MYO5B: variants seen among roughly 807,000 people sequenced by gnomAD.
MYO5B encodes the protein unconventional myosin-Vb.
MYO5B carries 143 observed loss-of-function variants against 229.3 expected under a neutral mutation model. The observed-to-expected ratio is 0.62, with a 90% CI of 0.54 to 0.72. The LOEUF (loss-of-function observed/expected upper bound fraction) is 0.72, where lower values mean the gene tolerates loss of function less well. MYO5B is among the 30% of genes least tolerant of loss of function. The pLI is 0.00. For missense variants in MYO5B, 2,321 were observed against 2,331.0 expected (o/e 1.00, Z 0.09); for synonymous variants, 918 against 885.2 (o/e 1.04, Z -0.66).
chr18:50,152,934 C>CT (rs1195316861), intron 1 of MYO5B, among the ~76,000 whole-genome samples: 2 of 149,650 alleles, frequency 1.3e-5, no homozygotes, highest in Non-Finnish European at 3.0e-5. Flanking sequence ...TTGGTGAATT[C>CT]TATAATAGAT....
chr18:50,008,512 C>T (rs907793031), intron 4 of MYO5B, among the ~76,000 whole-genome samples: 3 of 152,172 alleles, frequency 2.0e-5, no homozygotes, highest in African/African-American at 7.2e-5. Flanking sequence ...CTCAGCCTTC[C>T]ATGATTCACC....
intron 22 of MYO5B, among the ~76,000 whole-genome samples, chr18:49,884,717 C>T (rs140913647): frequency 4.2e-4 from 64 of 152,216 alleles, no homozygotes; most frequent in African/African-American, 1.5e-3. Flanking sequence ...CACTACTGGT[C>T]CATGGCCTAG....
chr18:49,878,820 G>A (rs1238739624), intron 24 of MYO5B, 125 bp downstream of exon 24: 3 of 1,174,970 alleles, frequency 2.6e-6, no homozygotes, highest in East Asian at 2.5e-5. Flanking sequence ...GTAATGGCAA[G>A]TGCTGCACAT....
At chr18:49,933,761 G>C in intron 16 of MYO5B, among the ~76,000 whole-genome samples, 1 of 152,208 alleles carries the variant, frequency 6.6e-6, no homozygotes, top group Admixed American at 6.5e-5. Context: ...CCGATTACAG[G>C]AAATGGGTGG....
intron 1 of MYO5B, among the ~76,000 whole-genome samples, chr18:50,128,258 C>T (rs949180): frequency 6.6e-6 from 1 of 151,880 alleles, no homozygotes; most frequent in Non-Finnish European, 1.5e-5. Flanking sequence ...GAATGAAAAG[C>T]GAAGATGTGA....
intron 10 of MYO5B, among the ~76,000 whole-genome samples, chr18:49,967,120 T>C (rs940020963): frequency 2.0e-5 from 3 of 152,080 alleles, no homozygotes; most frequent in East Asian, 3.9e-4. Flanking sequence ...GGTCAAAACA[T>C]AGAGTAAGAA....
At position 49,864,142 on chromosome 18, in the gene MYO5B, G is replaced by A; in HGVS notation, c.3842C>T (p.Ala1281Val). The A allele has an allele frequency of 1.9e-6, 3 of 1,607,990 alleles. No homozygotes were observed. Among genetic ancestry groups the A allele is most frequent in the South Asian group, 2.2e-5 (2 of 91,066 alleles). Residue 1281 changes from alanine (A) to valine (V), a missense_variant and splice_region_variant, in exon 28 of 40, where the codon GCG becomes GTG. By Grantham distance (64) the Ala-to-Val change is moderately conservative. This residue lies in a region of MYO5B where 2,113 missense variants were observed against 2,044.7 expected (regional missense o/e 1.03). Transcript: ENST00000285039. ...ADQRRLAGRN[A>V]EPNINARSSW... Reference sequence around the variant, plus strand: ...CACCGCGGGCCGCCATCTTGTTACCGCGTTCCTGCCGGCGAGTCGCCGCTG... The same window carrying A: ...CACCGCGGGCCGCCATCTTGTTACCACGTTCCTGCCGGCGAGTCGCCGCTG...
rs879826192 is a variant in MYO5B, at chr18:49,885,948, CT to C, written c.3046-5494del. Among the ~76,000 whole-genome samples the C allele has an allele frequency of 2.3e-3, 356 of 151,996 alleles. 1 individual carries two copies. Among genetic ancestry groups the C allele is most frequent in the Middle Eastern group, 3.4e-3 (1 of 294 alleles). The stretch of plus-strand genomic sequence containing the variant: ...AAGATCCAAGCACTTTGTTAACACC[CT>C]TTTTTTTGAGACAAGGTCTCACCCT... On this transcript the variant is annotated intron_variant, in intron 22 of 39. Transcript: ENST00000285039.
intron 3 of MYO5B, among the ~76,000 whole-genome samples, chr18:50,037,911 T>C (rs2029891452): frequency 1.3e-5 from 2 of 152,138 alleles, no homozygotes; most frequent in Non-Finnish European, 2.9e-5. Context: ...AGAGAACACT[T>C]AAGACCAGTG....
Position 49,939,807 on chromosome 18 carries a change from C to A in MYO5B, c.1753-2410G>T, listed in dbSNP as rs555306243. Among the ~76,000 whole-genome samples the A allele has an allele frequency of 3.9e-5, 6 of 152,310 alleles. No individual in the cohort carries two copies. The South Asian group carries it at 8.3e-4, about 21-fold the overall frequency. On this transcript the variant is annotated intron_variant, in intron 14 of 39. Transcript: ENST00000285039. ...TCAAGGAAGTAGAAATATAAAAGGG[C>A]TTCAGATATAGCCTTGACTTTTGAG... is the stretch of plus-strand genomic sequence containing the variant.
At chr18:50,044,805 G>C (rs1174552621) in intron 2 of MYO5B, among the ~76,000 whole-genome samples, 3 of 152,040 alleles carry the variant, frequency 2.0e-5, no homozygotes, top group African/African-American at 7.2e-5. Flanking sequence ...TGCCGGCAGG[G>C]AAAAATATAA....
At position 50,040,130 on chromosome 18, in the gene MYO5B, G is replaced by GC. The variant is rs1434965733; in HGVS notation, c.310+12dup. On this transcript the variant is annotated intron_variant, in intron 3 of 39. Coordinates refer to ENST00000285039, the MANE Select transcript of MYO5B (RefSeq NM_001080467.3). ...TTTCCAACGCATGCAGCCAACAGATGCCCCCCACTTACCACAGTAAGTGTA... is the reference window on the plus strand; with the variant it reads ...TTTCCAACGCATGCAGCCAACAGATGCCCCCCCACTTACCACAGTAAGTGTA... 4 of 1,613,940 alleles carry GC rather than the reference G, an allele frequency of 2.5e-6. No individual in the cohort carries two copies. Among genetic ancestry groups the GC allele is most frequent in the Middle Eastern group, 1.7e-4 (1 of 6,058 alleles).
At position 49,962,967 on chromosome 18, in the gene MYO5B, G is replaced by T. The variant is rs2025577427; in HGVS notation, c.1386C>A (p.Leu462=). 6 of 1,614,046 alleles carry T rather than the reference G, an allele frequency of 3.7e-6. No homozygotes were observed. The highest frequency in any genetic ancestry group is 5.1e-6 in the Non-Finnish European group (6 of 1,179,948). ...QFCINYANEK[L]QQQFNSHVFK... is the part of the protein sequence containing the mutation. ...AGCCTACCGAGTTGAACTGCTGCTG[G>T]AGCTTTTCATTTGCATAGTTGATAC... The change falls in exon 11 of 40, where the codon CTC becomes CTA. Residue 462 remains leucine (L), a synonymous_variant. Coordinates refer to ENST00000285039, the MANE Select transcript of MYO5B (RefSeq NM_001080467.3).
intron 14 of MYO5B, among the ~76,000 whole-genome samples, chr18:49,939,468 C>T (rs2025289992): frequency 6.6e-6 from 1 of 152,140 alleles, no homozygotes; most frequent in Non-Finnish European, 1.5e-5. Flanking sequence ...TTCTGAACCA[C>T]GTAAGTACAG....
chr18:50,037,367 A>G (rs2026460923), intron 3 of MYO5B, among the ~76,000 whole-genome samples: 1 of 152,246 alleles, frequency 6.6e-6, no homozygotes, highest in Non-Finnish European at 1.5e-5. Flanking sequence ...TCCATCTCAG[A>G]ACTAAAATCT....
At chr18:49,930,065 AT>A (rs1717165008) in intron 16 of MYO5B, among the ~76,000 whole-genome samples, 1 of 152,172 alleles carries the variant, frequency 6.6e-6, no homozygotes, top group Non-Finnish European at 1.5e-5. Flanking sequence ...CAATCATGAC[AT>A]GGTCACTTAC....
intron 10 of MYO5B, among the ~76,000 whole-genome samples, chr18:49,963,744 T>C (rs1024291673): frequency 1.3e-5 from 2 of 152,172 alleles, no homozygotes; most frequent in African/African-American, 4.8e-5. Context: ...TCTATTATCA[T>C]CATTTAACAT....
chr18:50,067,432 T>C (rs1290997689), intron 1 of MYO5B, among the ~76,000 whole-genome samples: 2 of 152,192 alleles, frequency 1.3e-5, no homozygotes, highest in South Asian at 2.1e-4. Context: ...TCAGAAGCTG[T>C]TGTTCAGAGT....
intron 1 of MYO5B, among the ~76,000 whole-genome samples, chr18:50,132,328 T>A (rs763287719): frequency 9.9e-5 from 15 of 152,200 alleles, no homozygotes; most frequent in Non-Finnish European, 1.9e-4. Flanking sequence ...CTGTGTGACC[T>A]TATCCAAGTT....
Sources: allele counts gnomAD v4.1 joint callset (sites outside exome capture counted in the v4.1 genomes callset), GRCh38; gene constraint gnomAD v4.1.1; regional missense constraint gnomAD v4.1.1; transcripts MANE v1.5; gene names NCBI Gene and HGNC (gene_info 2026-07-23, HGNC 2026-07-21).